Variants in SLC30A6 observed in about 807,000 individuals in gnomAD.
The protein encoded by SLC30A6 is solute carrier family 30 member 6, also known as zinc transporter 6.
Under a neutral mutation model 63.0 loss-of-function variants are expected in SLC30A6, and 55 were observed. That is an observed-to-expected ratio of 0.87 (90% CI 0.70 to 1.09). The LOEUF (loss-of-function observed/expected upper bound fraction) is 1.09. SLC30A6 is among the 50% of genes least tolerant of loss of function. The probability of loss-of-function intolerance (pLI) is 0.00; values close to 1 mark genes in which losing one functional copy is unlikely to be tolerated. For missense variants in SLC30A6, 587 were observed against 549.2 expected (o/e 1.07, Z -0.69); for synonymous variants, 224 against 186.1 (o/e 1.20, Z -1.66).
In SLC30A6 at chr2:32,224,149, A is replaced by T. The variant is rs1686291455; in HGVS notation, c.*3436A>T. ...TTTATTCAGTAGCTATTAATAATTT[A>T]TCTCATATTCAGCGAATATTTATTG... On this transcript the variant is annotated 3_prime_UTR_variant, in exon 14 of 14. Coordinates refer to ENST00000282587, the MANE Select transcript of SLC30A6 (RefSeq NM_017964.5). 1 of 197,170 alleles carries T rather than the reference A, an allele frequency of 5.1e-6. No homozygotes were observed. The highest frequency in any genetic ancestry group is 2.3e-5 in the African/African-American group (1 of 43,218). The allele number at this position is 197,170 out of a possible 1,614,324, so 12.2% of individuals were successfully genotyped here.
chr2:32,218,143 G>A (rs973982177), intron 13 of SLC30A6, among the ~76,000 whole-genome samples: 4 of 151,964 alleles, frequency 2.6e-5, no homozygotes, highest in East Asian at 1.9e-4. Flanking sequence ...TTTATGGACC[G>A]GGCATGGTGG....
intron 1 of SLC30A6, among the ~76,000 whole-genome samples, chr2:32,170,600 G>A (rs1448205772): frequency 6.6e-6 from 1 of 152,142 alleles, no homozygotes; most frequent in Non-Finnish European, 1.5e-5. Flanking sequence ...ATAGTTGCCT[G>A]AACTTACTTT....
intron 3 of SLC30A6, 95 bp from the exon 4 acceptor site, chr2:32,175,224 T>C: frequency 2.5e-6 from 3 of 1,197,810 alleles, no homozygotes; most frequent in Non-Finnish European, 3.6e-6. Flanking sequence ...GTTTTTTTGA[T>C]AATGGATACC....
intron 13 of SLC30A6, among the ~76,000 whole-genome samples, chr2:32,219,599 T>G (rs1329607254): frequency 2.0e-5 from 3 of 151,658 alleles, no homozygotes; most frequent in Non-Finnish European, 4.4e-5. Flanking sequence ...TATGCCTGGC[T>G]AATTTTTTGT....
intron 4 of SLC30A6, among the ~76,000 whole-genome samples, chr2:32,180,525 C>T (rs575857683): frequency 2.6e-5 from 4 of 152,166 alleles, no homozygotes; most frequent in Admixed American, 1.3e-4. Context: ...CTCCACCTCC[C>T]GGTCTCAAGC....
At chr2:32,176,396 C>T (rs908899389) in intron 4 of SLC30A6, among the ~76,000 whole-genome samples, 5 of 151,962 alleles carry the variant, frequency 3.3e-5, no homozygotes, top group East Asian at 3.9e-4. Flanking sequence ...TAGTGGCTCA[C>T]GCCTGTAATC....
At chr2:32,204,770 C>T in intron 11 of SLC30A6, 78 bp downstream of exon 11, 1 of 612,696 alleles carries the variant, frequency 1.6e-6, no homozygotes. Context: ...ATGTGTTGTT[C>T]TACAAGATTG....
At chr2:32,212,132 TTG>T (rs1377162036) in intron 13 of SLC30A6, among the ~76,000 whole-genome samples, 24 of 152,122 alleles carry the variant, frequency 1.6e-4, no homozygotes, top group Admixed American at 1.6e-3. Flanking sequence ...TTTTAACCTT[TTG>T]TGTCTCTTAA....
At chr2:32,209,764 G>C (rs951714707) in intron 13 of SLC30A6, among the ~76,000 whole-genome samples, 2 of 152,080 alleles carry the variant, frequency 1.3e-5, no homozygotes, top group African/African-American at 4.8e-5. Flanking sequence ...CTGTTGCCCA[G>C]GCTGGTGTTG....
At chr2:32,172,337 A>C (rs1412407840) in intron 2 of SLC30A6, among the ~76,000 whole-genome samples, 8 of 151,862 alleles carry the variant, frequency 5.3e-5, no homozygotes, top group African/African-American at 1.9e-4. Flanking sequence ...TTGCTTCCTT[A>C]TCCAACTTAG....
Position 32,193,934 on chromosome 2 carries a change from G to T in SLC30A6, c.447G>T (p.Leu149=). The change falls in exon 8 of 14, where the codon CTG becomes CTT. Residue 149 remains leucine, a synonymous_variant. Coordinates refer to ENST00000282587, the MANE Select transcript of SLC30A6 (RefSeq NM_017964.5). ...CTTTTGTGGCTCTTTGTTTCAACCTGTTCACGATGCTTTCTATTCGGAATA... is the reference window on the plus strand; with the variant it reads ...CTTTTGTGGCTCTTTGTTTCAACCTTTTCACGATGCTTTCTATTCGGAATA... ...VGTFVALCFN[L]FTMLSIRNKP... The T allele has an allele frequency of 1.2e-6, 2 of 1,613,448 alleles. No homozygotes were observed. Among genetic ancestry groups the T allele is most frequent in the South Asian group, 1.1e-5 (1 of 91,038 alleles).
rs753763685 is a variant in SLC30A6, at chr2:32,171,327, T to C, written c.44T>C (p.Phe15Ser). ...HLFRKPQRSF[F>S]GKLLREFRLV... ...TTTCGAAAACCACAAAGATCCTTTT[T>C]TGGCAAGTTGTTACGGGAATTTAGA... is the stretch of plus-strand genomic sequence containing the variant. Residue 15 changes from phenylalanine (F) to serine (S), a missense_variant, in exon 2 of 14, where the codon TTT becomes TCT. Physicochemically the swap from Phe to Ser is radical, Grantham distance 155 (BLOSUM62 -2). Coordinates refer to ENST00000282587, the MANE Select transcript of SLC30A6 (RefSeq NM_017964.5). The C allele has an allele frequency of 3.1e-6, 5 of 1,613,858 alleles. No individual in the cohort carries two copies. Among genetic ancestry groups the C allele is most frequent in the Non-Finnish European group, 4.2e-6 (5 of 1,179,854 alleles).
chr2:32,218,520 C>CTTTTTG (rs1286852094), intron 13 of SLC30A6, among the ~76,000 whole-genome samples: 1 of 143,102 alleles, frequency 7.0e-6, no homozygotes, highest in Non-Finnish European at 1.5e-5. Context: ...CAGCTCTCCT[C>CTTTTTG]TTTTGTTTTG....
chr2:32,217,367 C>G (rs1346805659), intron 13 of SLC30A6, among the ~76,000 whole-genome samples: 1 of 152,188 alleles, frequency 6.6e-6, no homozygotes, highest in Non-Finnish European at 1.5e-5. Context: ...TGTCAAAGAT[C>G]AGATGGCTGT....
At position 32,204,623 on chromosome 2, in the gene SLC30A6, A is replaced by T; in HGVS notation, c.699A>T (p.Ile233=). Residue 233 remains isoleucine, a synonymous_variant, in exon 11 of 14, where the codon ATA becomes ATT. Transcript: ENST00000282587. ...NYFAVDTASA[I]AIALMTFGTM... ...TTGCCGTAGACACTGCCTCTGCTAT[A>T]GCTATTGCCTTGATGACATTTGGCA... 1 of 1,612,364 alleles carries T rather than the reference A, an allele frequency of 6.2e-7. No individual in the cohort carries two copies. The highest frequency in any genetic ancestry group is 1.3e-5 in the African/African-American group (1 of 74,948).
At chr2:32,185,906 T>C (rs1682766661) in intron 5 of SLC30A6, among the ~76,000 whole-genome samples, 1 of 150,056 alleles carries the variant, frequency 6.7e-6, no homozygotes, top group African/African-American at 2.5e-5. Flanking sequence ...TTTTTTTGTA[T>C]TTTTAGTAGA....
intron 13 of SLC30A6, among the ~76,000 whole-genome samples, chr2:32,212,662 T>C (rs997756484): frequency 2.1e-4 from 31 of 146,828 alleles, no homozygotes; most frequent in Admixed American, 1.0e-3. Context: ...AATGGCTTGA[T>C]CTCGGCTCAC....
intron 3 of SLC30A6, among the ~76,000 whole-genome samples, chr2:32,174,370 T>C (rs1381228244): frequency 6.6e-6 from 1 of 152,090 alleles, no homozygotes; most frequent in Non-Finnish European, 1.5e-5. Flanking sequence ...AAATATATTT[T>C]AAAACAGAAA....
At chr2:32,205,659 C>CTTTTT (rs1478767845) in intron 11 of SLC30A6, among the ~76,000 whole-genome samples, 3 of 97,702 alleles carry the variant, frequency 3.1e-5, no homozygotes, top group African/African-American at 7.9e-5. Context: ...AAGAATGTTA[C>CTTTTT]TTCTTTTTTT....
Sources: allele counts gnomAD v4.1 joint callset (sites outside exome capture counted in the v4.1 genomes callset), GRCh38; gene constraint gnomAD v4.1.1; transcripts MANE v1.5; gene names NCBI Gene and HGNC (gene_info 2026-07-23, HGNC 2026-07-21).